The following SPTBN1 variants were observed in gnomAD, a reference collection of about 807,000 sequenced individuals.
The protein encoded by SPTBN1 is spectrin beta chain, non-erythrocytic 1.
Under a neutral mutation model 266.4 loss-of-function variants are expected in SPTBN1, and 32 were observed. The ratio of observed to expected loss-of-function variants is 0.12; its 90% CI spans 0.09 to 0.16. The LOEUF is 0.16. SPTBN1 is among the 10% of genes least tolerant of loss of function. SPTBN1 has a pLI of 1.00. For synonymous variants in SPTBN1, 1,336 were observed against 1,162.2 expected, an observed-to-expected ratio of 1.15 and a Z score of -3.04; for missense variants, 2,296 against 3,067.1, an observed-to-expected ratio of 0.75 and a Z score of 5.94.
Position 54,542,917 on chromosome 2 carries a change from G to A in SPTBN1, c.148+16351G>A, listed in dbSNP as rs536518240. On this transcript the variant is annotated intron_variant, in intron 2 of 35. Coordinates refer to ENST00000356805, the MANE Select transcript of SPTBN1 (RefSeq NM_003128.3). ...ATCTGCAAGGTTTCCCCTTTCTATC[G>A]TGTGGCCTCTAGTTTTTAGGATTAT... 5.3e-5 allele frequency among the ~76,000 whole-genome samples: 8 copies of A among 152,306 alleles called. No individual in the cohort carries two copies. In the South Asian group the frequency reaches 6.2e-4, roughly 12 times the overall value.
chr2:54,633,387 T>A (rs966553020), intron 17 of SPTBN1, among the ~76,000 whole-genome samples: 1 of 152,048 alleles, frequency 6.6e-6, no homozygotes, highest in Admixed American at 6.6e-5. Context: ...CATTTCTTGT[T>A]TAAAATTATT....
chr2:54,592,462 G>A (rs1199714027), intron 2 of SPTBN1, among the ~76,000 whole-genome samples: 4 of 151,068 alleles, frequency 2.6e-5, no homozygotes, highest in South Asian at 2.1e-4. Context: ...TTGGCTCACC[G>A]CAACCTCTGC....
intron 2 of SPTBN1, among the ~76,000 whole-genome samples, chr2:54,571,361 T>TA (rs368406227): frequency 1.3e-5 from 2 of 152,130 alleles, no homozygotes; most frequent in African/African-American, 4.8e-5. Context: ...GGGGTGATTG[T>TA]AAAGCCTAAT....
chr2:54,571,588 CACACACACACACAT>C (rs1439376128), intron 2 of SPTBN1, among the ~76,000 whole-genome samples: 3 of 105,768 alleles, frequency 2.8e-5, no homozygotes, highest in African/African-American at 1.5e-4. Context: ...CACACACACA[CACACACACACACAT>C]ATCTATAAAT....
intron 2 of SPTBN1, among the ~76,000 whole-genome samples, chr2:54,568,202 G>C (rs555474264): frequency 6.6e-6 from 1 of 152,012 alleles, no homozygotes; most frequent in Non-Finnish European, 1.5e-5. Context: ...CCAAGATGGT[G>C]AAACTCCGTC....
At chr2:54,616,027 C>T (rs547339035) in intron 4 of SPTBN1, among the ~76,000 whole-genome samples, 180 bp from the exon 5 acceptor site, 3 of 152,264 alleles carry the variant, frequency 2.0e-5, no homozygotes, top group Middle Eastern at 6.8e-3. Flanking sequence ...ATGTAGTTTT[C>T]GTTGTGTTTC....
intron 1 of SPTBN1, among the ~76,000 whole-genome samples, chr2:54,493,132 C>T (rs928828390): frequency 6.6e-6 from 1 of 150,384 alleles, no homozygotes; most frequent in Non-Finnish European, 1.5e-5. Flanking sequence ...CAGCCTGCTG[C>T]GTATCTGGGA....
chr2:54,643,549 G>A (rs1005946188), intron 19 of SPTBN1, among the ~76,000 whole-genome samples: 2 of 152,070 alleles, frequency 1.3e-5, no homozygotes, highest in Admixed American at 6.6e-5. Context: ...TATACCAGGC[G>A]CTATAATAAT....
intron 2 of SPTBN1, 126 bp from the exon 3 acceptor site, chr2:54,598,966 T>G (rs1676289137): frequency 3.1e-6 from 3 of 963,716 alleles, no homozygotes; most frequent in Non-Finnish European, 3.1e-6. Context: ...GGGCGCTAAG[T>G]AGAGGTGTCC....
intron 4 of SPTBN1, 28 bp downstream of exon 4, chr2:54,612,362 G>A: frequency 6.3e-7 from 1 of 1,587,900 alleles, no homozygotes; most frequent in Non-Finnish European, 8.6e-7. Context: ...GGGTTGCTCA[G>A]AACTTAGGCC....
intron 1 of SPTBN1, among the ~76,000 whole-genome samples, chr2:54,458,796 A>T (rs1208579463): frequency 6.6e-6 from 1 of 152,198 alleles, no homozygotes; most frequent in Non-Finnish European, 1.5e-5. Flanking sequence ...TGAAAAAGGA[A>T]ATTTCAATAT....
At chr2:54,550,445 A>G (rs1435746963) in intron 2 of SPTBN1, among the ~76,000 whole-genome samples, 1 of 152,216 alleles carries the variant, frequency 6.6e-6, no homozygotes, top group Non-Finnish European at 1.5e-5. Context: ...TATCTCTGCA[A>G]CTGGGTAATC....
intron 18 of SPTBN1, among the ~76,000 whole-genome samples, chr2:54,639,980 G>A (rs1486284815): frequency 2.0e-5 from 3 of 152,154 alleles, no homozygotes; most frequent in Non-Finnish European, 4.4e-5. Context: ...AGTTAGTACA[G>A]CCATAGTGTC....
intron 2 of SPTBN1, among the ~76,000 whole-genome samples, chr2:54,550,999 C>G (rs897966393): frequency 6.6e-6 from 1 of 152,170 alleles, no homozygotes; most frequent in Non-Finnish European, 1.5e-5. Context: ...CCTACCTGCC[C>G]TTTTCACATT....
chr2:54,639,608 C>T (rs767516607), intron 18 of SPTBN1, among the ~76,000 whole-genome samples: 5 of 152,208 alleles, frequency 3.3e-5, no homozygotes, highest in Non-Finnish European at 5.9e-5. Flanking sequence ...ATGTCGATTT[C>T]GTTAAGTAGA....
chr2:54,616,326 G>T (rs1366964214), intron 5 of SPTBN1, 28 bp downstream of exon 5: 1 of 1,599,224 alleles, frequency 6.3e-7, no homozygotes, highest in Non-Finnish European at 8.6e-7. Context: ...GGGTATTGGG[G>T]CTGCTTCTTC....
intron 1 of SPTBN1, among the ~76,000 whole-genome samples, chr2:54,479,622 A>C (rs1451006841): frequency 1.3e-5 from 2 of 152,204 alleles, no homozygotes; most frequent in African/African-American, 2.4e-5. Context: ...GTCTTAACGA[A>C]GTTACCTAAT....
At chr2:54,496,109 A>G (rs1335180266) in intron 1 of SPTBN1, among the ~76,000 whole-genome samples, 1 of 152,116 alleles carries the variant, frequency 6.6e-6, no homozygotes, top group African/African-American at 2.4e-5. Flanking sequence ...TCCCAAAGGA[A>G]GATTTACTCC....
chr2:54,481,440 G>GTGTGTGTT (rs1386980434), intron 1 of SPTBN1, among the ~76,000 whole-genome samples: 8 of 73,856 alleles, frequency 1.1e-4, no homozygotes, highest in African/African-American at 6.1e-4. Context: ...GTGTGTGTGT[G>GTGTGTGTT]TTTTGTTTTG....
Sources: allele counts gnomAD v4.1 joint callset (sites outside exome capture counted in the v4.1 genomes callset), GRCh38; gene constraint gnomAD v4.1.1; transcripts MANE v1.5; gene names NCBI Gene and HGNC (gene_info 2026-07-23, HGNC 2026-07-21).